SFMBT1: variants seen among roughly 807,000 people sequenced by gnomAD.
SFMBT1 encodes the protein scm-like with four MBT domains protein 1.
In SFMBT1, 32 loss-of-function variants were observed where a neutral mutation model predicts 108.7. That is an observed-to-expected ratio of 0.29 (90% CI 0.22 to 0.40). The LOEUF (loss-of-function observed/expected upper bound fraction) is 0.40, where lower values mean the gene tolerates loss of function less well. Ranked by LOEUF, SFMBT1 falls within the 10% of genes least tolerant of loss-of-function variation. The pLI is 1.00. For missense variants in SFMBT1, 816 were observed against 1,059.6 expected (o/e 0.77, Z 3.19); for synonymous variants, 348 against 369.5 (o/e 0.94, Z 0.67).
intron 1 of SFMBT1, among the ~76,000 whole-genome samples, chr3:52,997,044 G>C (rs1172619397): frequency 1.3e-5 from 2 of 149,490 alleles, no homozygotes; most frequent in Non-Finnish European, 3.0e-5. Context: ...ACTCCAGCCT[G>C]GGCGACTGAG....
chr3:52,937,373 C>T (rs1240952256), intron 4 of SFMBT1, among the ~76,000 whole-genome samples: 1 of 152,042 alleles, frequency 6.6e-6, no homozygotes, highest in East Asian at 1.9e-4. Flanking sequence ...GTGGTTATCC[C>T]ATAAGCTCCA....
At chr3:52,987,679 C>A (rs1302427082) in intron 1 of SFMBT1, among the ~76,000 whole-genome samples, 1 of 152,100 alleles carries the variant, frequency 6.6e-6, no homozygotes, top group Non-Finnish European at 1.5e-5. Context: ...AGAGTGATGG[C>A]CCTAGATGAT....
chr3:53,039,148 CA>C (rs1440298696), intron 1 of SFMBT1, among the ~76,000 whole-genome samples: 2 of 152,192 alleles, frequency 1.3e-5, no homozygotes, highest in African/African-American at 4.8e-5. Context: ...TATCTAAGGA[CA>C]AGGTACCTGG....
At chr3:53,016,896 T>G (rs1699144612) in intron 1 of SFMBT1, among the ~76,000 whole-genome samples, 1 of 152,210 alleles carries the variant, frequency 6.6e-6, no homozygotes, top group African/African-American at 2.4e-5. Flanking sequence ...GTTTTGCCTT[T>G]CACATTGGAA....
chr3:52,943,445 C>T lies in SFMBT1; in HGVS notation c.272G>A (p.Arg91Gln), dbSNP rs1211548153. 1.2e-6 allele frequency: 2 copies of T among 1,614,164 alleles called. No individual in the cohort carries two copies. The highest frequency in any genetic ancestry group is 1.1e-5 in the South Asian group (1 of 91,074). Residue 91 changes from arginine (R) to glutamine (Q), a missense_variant, in exon 4 of 21, where the codon CGG becomes CAG. By Grantham distance (43) the Arg-to-Gln change is conservative (BLOSUM62 1). Coordinates refer to ENST00000394752, the MANE Select transcript of SFMBT1 (RefSeq NM_016329.4). ...LLRYDGYGED[R>Q]RADFWCDIRK... ...GATGTCACACCAGAAATCTGCTCTC[C>T]GATCCTCCCCATAGCCATCATAGCG...
chr3:52,962,509 A>G (rs1703994391), intron 2 of SFMBT1, among the ~76,000 whole-genome samples: 1 of 152,076 alleles, frequency 6.6e-6, no homozygotes, highest in Non-Finnish European at 1.5e-5. Flanking sequence ...TATTTTTTGT[A>G]TAAGATGGGA....
intron 3 of SFMBT1, among the ~76,000 whole-genome samples, chr3:52,948,621 C>T (rs1482933330): frequency 6.7e-6 from 1 of 149,734 alleles, no homozygotes; most frequent in Non-Finnish European, 1.5e-5. Flanking sequence ...ATTGGAGTTG[C>T]CTTACAATTA....
intron 1 of SFMBT1, among the ~76,000 whole-genome samples, chr3:53,021,764 C>T (rs1165776420): frequency 6.6e-6 from 1 of 152,116 alleles, no homozygotes; most frequent in Non-Finnish European, 1.5e-5. Flanking sequence ...ATAACCACAG[C>T]TCAAAAACAG....
intron 1 of SFMBT1, chr3:53,045,346 CGCGGGGGCTCG>C (rs1204513493): frequency 7.0e-6 from 1 of 142,614 alleles, no homozygotes; most frequent in Non-Finnish European, 1.5e-5. Flanking sequence ...GGGGCGGGTC[CGCGGGGGCTCG>C]GCGGGCGGAG....
chr3:52,928,627 C>CATATATACATATATATACAT (rs1702748182), intron 8 of SFMBT1: 29 of 8,392 alleles, frequency 3.5e-3, no homozygotes, highest in African/African-American at 4.4e-3. Flanking sequence ...TACATATATA[C>CATATATACATATATATACAT]ATATATATAC....
chr3:53,043,176 G>A (rs1387035133), intron 1 of SFMBT1: 1 of 152,016 alleles, frequency 6.6e-6, no homozygotes, highest in African/African-American at 2.4e-5. Context: ...ACAAGAAAAG[G>A]CACAAGACGA....
chr3:52,962,825 G>GGAGAGGGA (rs1704009159), intron 2 of SFMBT1, among the ~76,000 whole-genome samples: 1 of 54,218 alleles, frequency 1.8e-5, no homozygotes, highest in African/African-American at 6.4e-5. Flanking sequence ...AAAAAAAAAA[G>GGAGAGGGA]GAGAGGGAGA....
intron 1 of SFMBT1, among the ~76,000 whole-genome samples, chr3:52,972,800 G>A (rs111529702): frequency 0.025 from 3,462 of 137,486 alleles, 208 homozygotes; most frequent in African/African-American, 0.09. Flanking sequence ...CACTAGCTGA[G>A]TGTGGTGGCG....
At chr3:53,001,925 T>TCTCACACACACACACACACACACA (rs1448849638) in intron 1 of SFMBT1, among the ~76,000 whole-genome samples, 4 of 129,132 alleles carry the variant, frequency 3.1e-5, no homozygotes, top group African/African-American at 1.1e-4. Context: ...ACCCAGTCTC[T>TCTCACACACACACACACACACACA]CACACACACA....
At chr3:53,037,231 C>G (rs1699896325) in intron 1 of SFMBT1, among the ~76,000 whole-genome samples, 1 of 152,266 alleles carries the variant, frequency 6.6e-6, no homozygotes, top group East Asian at 1.9e-4. Context: ...GAAGACTCTC[C>G]CTAGAAGGGG....
At chr3:53,010,751 T>G (rs1350819506) in intron 1 of SFMBT1, among the ~76,000 whole-genome samples, 1 of 152,218 alleles carries the variant, frequency 6.6e-6, no homozygotes, top group African/African-American at 2.4e-5. Flanking sequence ...TAAAACATGT[T>G]TAAATAAGGT....
At chr3:52,966,950 T>TTATATATATATATATATATATA (rs374164813) in intron 2 of SFMBT1, among the ~76,000 whole-genome samples, 6 of 146,752 alleles carry the variant, frequency 4.1e-5, no homozygotes, top group African/African-American at 1.5e-4. Context: ...TTGTGATAAG[T>TTATATATATATATATATATATA]TATATATATA....
chr3:53,038,590 C>T (rs1699938473), intron 1 of SFMBT1, among the ~76,000 whole-genome samples: 1 of 152,184 alleles, frequency 6.6e-6, no homozygotes, highest in African/African-American at 2.4e-5. Context: ...AACTCTTTAA[C>T]CATTCTGAAA....
chr3:52,934,994 C>T (rs1276247008), intron 4 of SFMBT1, 93 bp from the exon 5 acceptor site: 2 of 1,017,246 alleles, frequency 2.0e-6, no homozygotes, highest in East Asian at 2.6e-5. Flanking sequence ...AGGTATTTCA[C>T]ATTTTAAGAT....
Sources: allele counts gnomAD v4.1 joint callset (sites outside exome capture counted in the v4.1 genomes callset), GRCh38; gene constraint gnomAD v4.1.1; transcripts MANE v1.5; gene names NCBI Gene and HGNC (gene_info 2026-07-23, HGNC 2026-07-21).